FHIT: variants seen among roughly 807,000 people sequenced by gnomAD.
FHIT encodes the protein fragile histidine triad diadenosine triphosphatase.
In FHIT, 19 loss-of-function variants were observed where a neutral mutation model predicts 17.9. That is an observed-to-expected ratio of 1.06 (90% CI 0.74 to 1.56). The LOEUF is 1.56. Ranked by LOEUF, FHIT falls within the 40% of genes most tolerant of loss-of-function variation. The probability of loss-of-function intolerance (pLI) is 0.00; values close to 1 mark genes in which losing one functional copy is unlikely to be tolerated. For missense variants in FHIT, 248 were observed against 189.2 expected (o/e 1.31, Z -1.82); for synonymous variants, 81 against 69.7 (o/e 1.16, Z -0.81).
At chr3:60,880,951 T>C (rs13081222) in intron 3 of FHIT, among the ~76,000 whole-genome samples, 36,386 of 152,122 alleles carry the variant, frequency 0.24, 4,856 homozygotes, top group African/African-American at 0.34. Context: ...CCTTGAATGT[T>C]AACAGAATAA....
At chr3:59,863,372 T>C (rs552842345) in intron 8 of FHIT, among the ~76,000 whole-genome samples, 4 of 152,336 alleles carry the variant, frequency 2.6e-5, no homozygotes, top group African/African-American at 4.8e-5. Flanking sequence ...TTCAAAACCA[T>C]TGGGTATCCC....
intron 4 of FHIT, among the ~76,000 whole-genome samples, chr3:60,688,389 A>G (rs2040907560): frequency 6.6e-6 from 1 of 151,960 alleles, no homozygotes; most frequent in Non-Finnish European, 1.5e-5. Context: ...CTGAACATCA[A>G]TATTCAGATA....
intron 5 of FHIT, among the ~76,000 whole-genome samples, chr3:60,298,800 A>G (rs998373725): frequency 2.0e-5 from 3 of 152,144 alleles, no homozygotes; most frequent in African/African-American, 7.2e-5. Flanking sequence ...TAAAGCTGTT[A>G]GAGCTTTAAA....
At chr3:60,807,363 A>G (rs1171995371) in intron 4 of FHIT, among the ~76,000 whole-genome samples, 2 of 151,850 alleles carry the variant, frequency 1.3e-5, no homozygotes, top group Non-Finnish European at 2.9e-5. Flanking sequence ...GCTTGAACCC[A>G]GGAGTTTGAG....
At chr3:59,830,756 C>G (rs1402908560) in intron 8 of FHIT, among the ~76,000 whole-genome samples, 1 of 152,140 alleles carries the variant, frequency 6.6e-6, no homozygotes, top group Non-Finnish European at 1.5e-5. Context: ...GGGCCTTTTG[C>G]AAAGGTGTAG....
chr3:60,636,322 G>A (rs2107782905), intron 4 of FHIT, among the ~76,000 whole-genome samples: 1 of 152,206 alleles, frequency 6.6e-6, no homozygotes, highest in Middle Eastern at 3.4e-3. Context: ...ACCCGCCTTG[G>A]CCTCCCAAAG....
At chr3:60,070,359 G>A (rs1702712183) in intron 5 of FHIT, among the ~76,000 whole-genome samples, 1 of 152,206 alleles carries the variant, frequency 6.6e-6, no homozygotes, top group South Asian at 2.1e-4. Context: ...GCCCAATAAG[G>A]AGCTGCTCCT....
At chr3:61,120,260 C>A (rs1334443682) in intron 2 of FHIT, among the ~76,000 whole-genome samples, 1 of 152,154 alleles carries the variant, frequency 6.6e-6, no homozygotes, top group African/African-American at 2.4e-5. Context: ...ATGGGTGACT[C>A]TGTAAAACTC....
At chr3:60,051,998 G>C (rs1169325211) in intron 5 of FHIT, among the ~76,000 whole-genome samples, 1 of 152,124 alleles carries the variant, frequency 6.6e-6, no homozygotes, top group Admixed American at 6.6e-5. Context: ...AGATGTTGTG[G>C]AGCCTCTATT....
chr3:60,213,341 T>A (rs940353190), intron 5 of FHIT, among the ~76,000 whole-genome samples: 1 of 152,126 alleles, frequency 6.6e-6, no homozygotes, highest in East Asian at 1.9e-4. Context: ...AACCCACAGC[T>A]TTTTTGTGTC....
At chr3:60,806,550 A>G (rs1449350561) in intron 4 of FHIT, among the ~76,000 whole-genome samples, 1 of 152,186 alleles carries the variant, frequency 6.6e-6, no homozygotes, top group African/African-American at 2.4e-5. Context: ...CTAATTTCCT[A>G]TTAGGCAGAT....
intron 2 of FHIT, among the ~76,000 whole-genome samples, chr3:61,112,937 T>C (rs2036201659): frequency 1.3e-5 from 2 of 152,194 alleles, no homozygotes; most frequent in African/African-American, 4.8e-5. Flanking sequence ...GAACTAACTA[T>C]GGAACAAGAT....
At chr3:60,733,977 T>A (rs1395995393) in intron 4 of FHIT, among the ~76,000 whole-genome samples, 2 of 152,174 alleles carry the variant, frequency 1.3e-5, no homozygotes, top group African/African-American at 4.8e-5. Flanking sequence ...ATTAAAACAC[T>A]TAGGTGGACA....
Position 60,014,055 on chromosome 3 carries a change from T to G in FHIT, c.201A>C (p.Thr67=). The G allele has an allele frequency of 6.2e-7, 1 of 1,614,086 alleles. No homozygotes were observed. Among genetic ancestry groups the G allele is most frequent in the Middle Eastern group, 1.6e-4 (1 of 6,062 alleles). The stretch of plus-strand genomic sequence containing the variant: ...TCCCATGGAAATGTTTTTCCACCAC[T>G]GTCCCGACTCTCTGGGTCGTCTGAA... ...DLFQTTQRVG[T]VVEKHFHGTS... The change falls in exon 6 of 10, where the codon ACA becomes ACC. Residue 67 remains threonine (T), a synonymous_variant. Coordinates refer to ENST00000492590, the MANE Select transcript of FHIT (RefSeq NM_002012.4).
intron 4 of FHIT, among the ~76,000 whole-genome samples, chr3:60,811,554 C>T (rs1701571579): frequency 1.3e-5 from 2 of 152,068 alleles, no homozygotes; most frequent in Admixed American, 6.6e-5. Context: ...ATGTTAGTAA[C>T]CTTACTTAAA....
chr3:60,442,406 A>G (rs574787772), intron 5 of FHIT, among the ~76,000 whole-genome samples: 34 of 152,140 alleles, frequency 2.2e-4, no homozygotes, highest in African/African-American at 6.0e-4. Flanking sequence ...ATGGTTTAAG[A>G]TCTAACATTT....
chr3:59,804,070 A>T (rs2106998223), intron 8 of FHIT, among the ~76,000 whole-genome samples: 1 of 152,354 alleles, frequency 6.6e-6, no homozygotes, highest in Middle Eastern at 3.4e-3. Flanking sequence ...CATATTCATC[A>T]TTGATGTGGC....
At chr3:60,174,398 C>T (rs192751508) in intron 5 of FHIT, among the ~76,000 whole-genome samples, 7 of 152,082 alleles carry the variant, frequency 4.6e-5, no homozygotes, top group East Asian at 1.9e-4. Flanking sequence ...TTGATATGCT[C>T]CTGGACTGTA....
chr3:60,555,410 T>G (rs1056469189), intron 4 of FHIT, among the ~76,000 whole-genome samples: 9 of 152,194 alleles, frequency 5.9e-5, no homozygotes, highest in African/African-American at 2.2e-4. Context: ...AAGACGAATT[T>G]AAATGAATCA....
Sources: allele counts gnomAD v4.1 joint callset (sites outside exome capture counted in the v4.1 genomes callset), GRCh38; gene constraint gnomAD v4.1.1; transcripts MANE v1.5; gene names NCBI Gene and HGNC (gene_info 2026-07-23, HGNC 2026-07-21).